Variants in RDX observed in about 807,000 individuals in gnomAD.
RDX encodes the protein deafness, autosomal recessive 24.
Under a neutral mutation model 83.7 loss-of-function variants are expected in RDX, and 32 were observed. The ratio of observed to expected loss-of-function variants is 0.38; its 90% CI spans 0.29 to 0.51. The LOEUF is 0.51. RDX is among the 20% of genes least tolerant of loss of function. RDX has a pLI of 0.87. For synonymous variants in RDX, 229 were observed against 222.7 expected, an observed-to-expected ratio of 1.03 and a Z score of -0.25; for missense variants, 600 against 689.9, an observed-to-expected ratio of 0.87 and a Z score of 1.46.
At chr11:110,203,268 C>T (rs1863479981) in intron 14 of RDX, among the ~76,000 whole-genome samples, 1 of 151,766 alleles carries the variant, frequency 6.6e-6, no homozygotes, top group South Asian at 2.1e-4. Context: ...CACAGAAGGA[C>T]AAAAATTGTA....
chr11:110,269,073 C>T (rs1282932945), intron 3 of RDX, among the ~76,000 whole-genome samples: 1 of 151,926 alleles, frequency 6.6e-6, no homozygotes, highest in Admixed American at 6.6e-5. Flanking sequence ...CCCACCTCAG[C>T]CTCCTGAGTA....
At chr11:110,257,300 A>G (rs1859585212) in intron 7 of RDX, among the ~76,000 whole-genome samples, 1 of 152,048 alleles carries the variant, frequency 6.6e-6, no homozygotes, top group South Asian at 2.1e-4. Flanking sequence ...ATGTCCAAAC[A>G]TATTTAAAAC....
intron 1 of RDX, among the ~76,000 whole-genome samples, chr11:110,291,323 C>G (rs1342138997): frequency 2.0e-5 from 3 of 151,516 alleles, no homozygotes; most frequent in Non-Finnish European, 4.4e-5. Flanking sequence ...AGAGAGGTGA[C>G]AGTGACAGAG....
In RDX at chr11:110,229,549, AG is replaced by A; in HGVS notation, c.*2319del. ...AACACAAAATTATGCTAATGGTAAA[AG>A]CCTACTGGGATTTACCAAATACTCA... On this transcript the variant is annotated 3_prime_UTR_variant, in exon 14 of 14. Coordinates refer to ENST00000645495, the MANE Select transcript of RDX (RefSeq NM_002906.4). 6.6e-6 allele frequency: 1 copy of A among 152,622 alleles called. No homozygotes were observed. Among genetic ancestry groups the A allele is most frequent in the South Asian group, 2.1e-4 (1 of 4,822 alleles). The allele number at this position is 152,622 out of a possible 1,614,324, so 9.5% of individuals were successfully genotyped here.
In RDX at chr11:110,272,391, T is replaced by C. The variant is rs974301550; in HGVS notation, c.96+145A>G. 16 of 688,078 alleles carry C rather than the reference T, an allele frequency of 2.3e-5. No individual in the cohort carries two copies. In the African/African-American group the frequency reaches 2.5e-4, roughly 11 times the overall value. 42.6% of individuals were successfully genotyped at this position (688,078 alleles called of 1,614,324 possible). ...ATAAAGAATATCCCTACTGCTGTAG[T>C]AGGGATATCTGAATAGCTACTATGA... On this transcript the variant is annotated intron_variant, in intron 3 of 13. Coordinates refer to ENST00000645495, the MANE Select transcript of RDX (RefSeq NM_002906.4).
chr11:110,264,814 T>G lies in RDX; in HGVS notation c.157A>C (p.Lys53Gln). 6.2e-7 allele frequency: 1 copy of G among 1,613,840 alleles called. No homozygotes were observed. ...WFFGLQYVDS[K>Q]GYSTWLKLNK... ...AGTTTAAGCCATGTAGAATAACCTT[T>G]GCTGTCTACATACTGCAGCCCAAAA... is the stretch of plus-strand genomic sequence containing the variant. The change falls in exon 4 of 14, where the codon AAA (lysine) becomes CAA (glutamine). Residue 53 changes from lysine (K) to glutamine (Q), a missense_variant. Lys to Gln is a moderately conservative substitution (Grantham distance 53, BLOSUM62 1). Transcript: ENST00000645495.
chr11:110,182,032 G>C (rs1862897530), intron 15 of RDX, among the ~76,000 whole-genome samples: 1 of 152,182 alleles, frequency 6.6e-6, no homozygotes, highest in African/African-American at 2.4e-5. Flanking sequence ...TGCCTACTGT[G>C]CTCCAGGGCC....
At chr11:110,294,305 G>A (rs1381344509) in intron 1 of RDX, among the ~76,000 whole-genome samples, 1 of 152,222 alleles carries the variant, frequency 6.6e-6, no homozygotes, top group African/African-American at 2.4e-5. Flanking sequence ...TGAGGTACAA[G>A]AATCACTTGA....
downstream of RDX, among the ~76,000 whole-genome samples, chr11:110,227,689 T>C (rs1565302258): frequency 1.3e-5 from 2 of 152,130 alleles, no homozygotes; most frequent in African/African-American, 4.8e-5. Context: ...GTCACAATCA[T>C]CCTAATCTTG....
chr11:110,266,986 C>G (rs1056717802), intron 3 of RDX, among the ~76,000 whole-genome samples: 1 of 151,932 alleles, frequency 6.6e-6, no homozygotes, highest in Non-Finnish European at 1.5e-5. Flanking sequence ...GCAACCTCCA[C>G]CCCCACCCCA....
At chr11:110,234,493 A>G (rs1864761930) in intron 12 of RDX, among the ~76,000 whole-genome samples, 1 of 152,188 alleles carries the variant, frequency 6.6e-6, no homozygotes, top group Non-Finnish European at 1.5e-5. Flanking sequence ...TTTCATGTTG[A>G]ATATATAAAC....
chr11:110,206,451 GT>G (rs1190773790), intron 14 of RDX, among the ~76,000 whole-genome samples: 1 of 151,904 alleles, frequency 6.6e-6, no homozygotes. Context: ...AAAAAAACTA[GT>G]TGTATAAAGT....
chr11:110,266,154 C>T (rs1860035407), intron 3 of RDX, among the ~76,000 whole-genome samples: 1 of 150,120 alleles, frequency 6.7e-6, no homozygotes, highest in Admixed American at 6.6e-5. Context: ...GAAACTTCAT[C>T]ACTACTAAAA....
In RDX at chr11:110,231,910, C is replaced by T; in HGVS notation, c.1711G>A (p.Gly571Ser). Residue 571 changes from glycine (G) to serine (S), a missense_variant, in exon 14 of 14, where the codon GGC (glycine) becomes AGC (serine). By Grantham distance (56) the Gly-to-Ser change is moderately conservative (BLOSUM62 0). Transcript: ENST00000645495. ...KYKTLRQIRQ[G>S]NTKQRIDEFE... The stretch of plus-strand genomic sequence containing the variant: ...TCATCGATACGCTGCTTTGTATTGC[C>T]TTGTCGAATCTGTCGCAGAGTCTTG... 1 of 1,613,386 alleles carries T rather than the reference C, an allele frequency of 6.2e-7. No homozygotes were observed.
At chr11:110,208,593 T>A (rs560379560) in intron 14 of RDX, among the ~76,000 whole-genome samples, 1 of 152,338 alleles carries the variant, frequency 6.6e-6, no homozygotes, top group Non-Finnish European at 1.5e-5. Context: ...ATTTCAACTT[T>A]CCTCTAGATT....
intron 15 of RDX, among the ~76,000 whole-genome samples, chr11:110,180,886 G>T (rs1565278516): frequency 6.6e-6 from 1 of 151,960 alleles, no homozygotes; most frequent in African/African-American, 2.4e-5. Context: ...TCTTGGATGT[G>T]CCCCGTGTTA....
rs1411463826 is a variant in RDX at position 110,264,877 on chromosome 11, A to C, written c.97-3T>G. ...CGCAAACCAACTGTTTTCACCACCT[A>C]AAACACAACAACAACAAAAAAACAC... On this transcript the variant is annotated splice_polypyrimidine_tract_variant and splice_region_variant and intron_variant, in intron 3 of 13. Transcript: ENST00000645495. 1.9e-6 allele frequency: 3 copies of C among 1,611,896 alleles called. No individual in the cohort carries two copies. Among genetic ancestry groups the C allele is most frequent in the Non-Finnish European group, 2.5e-6 (3 of 1,178,252 alleles).
chr11:110,295,308 T>TA (rs200732024), intron 1 of RDX, among the ~76,000 whole-genome samples: 84,777 of 127,166 alleles, frequency 0.67, 28,168 homozygotes, highest in East Asian at 0.74. Flanking sequence ...TTTAGTGTTC[T>TA]AAAAAAAAAA....
At position 110,293,095 on chromosome 11, in the gene RDX, A is replaced by T. The variant is rs560672325; in HGVS notation, c.-65+3372T>A. ...AAATGATGAAAACATGAGAAATATGATTTACTCAATGTTTAACACAAGTTA... is the reference window on the plus strand; with the variant it reads ...AAATGATGAAAACATGAGAAATATGTTTTACTCAATGTTTAACACAAGTTA... On this transcript the variant is annotated intron_variant, in intron 1 of 13. Transcript: ENST00000645495. Among the ~76,000 whole-genome samples the T allele has an allele frequency of 5.3e-5, 8 of 152,350 alleles. No individual in the cohort carries two copies. The East Asian group carries it at 1.2e-3, about 22-fold the overall frequency.
Sources: allele counts gnomAD v4.1 joint callset (sites outside exome capture counted in the v4.1 genomes callset), GRCh38; gene constraint gnomAD v4.1.1; transcripts MANE v1.5; gene names NCBI Gene and HGNC (gene_info 2026-07-23, HGNC 2026-07-21).